OSBP2: variants seen among roughly 807,000 people sequenced by gnomAD.
The protein encoded by OSBP2 is oxysterol binding protein 2.
A neutral mutation model predicts 96.0 loss-of-function variants in OSBP2; 66 were observed. The ratio of observed to expected loss-of-function variants is 0.69; its 90% CI spans 0.56 to 0.84. The LOEUF is 0.84. Among genes scored for constraint, OSBP2 ranks in the 40% least tolerant of loss-of-function variants. The pLI is 0.00. For missense variants in OSBP2, 1,038 were observed against 1,222.7 expected (o/e 0.85, Z 2.25); for synonymous variants, 525 against 520.9 (o/e 1.01, Z -0.11).
chr22:30,733,960 A>T (rs1470463857), intron 1 of OSBP2, among the ~76,000 whole-genome samples: 2 of 152,106 alleles, frequency 1.3e-5, no homozygotes, highest in African/African-American at 2.4e-5. Context: ...GTCTCCTTAA[A>T]AGTGGCAGAA....
rs563771869 is a variant in OSBP2, at chr22:30,830,785, G to A, written c.854-39644G>A. ...AATTCCAGATGTTCAAGAGCATGGC[G>A]TTTCCATAGCGCCATTATCCCTTTG... On this transcript the variant is annotated intron_variant, in intron 2 of 13. Coordinates refer to ENST00000332585, the MANE Select transcript of OSBP2 (RefSeq NM_030758.4). Among the ~76,000 whole-genome samples the A allele has an allele frequency of 2.0e-4, 30 of 151,896 alleles. 1 individual carries two copies. The highest frequency in any genetic ancestry group is 4.2e-4 in the South Asian group (2 of 4,806).
intron 2 of OSBP2, among the ~76,000 whole-genome samples, chr22:30,807,344 T>G (rs773921879): frequency 1.6e-4 from 24 of 152,250 alleles, no homozygotes; most frequent in Non-Finnish European, 3.2e-4. Flanking sequence ...GCCACTGCCC[T>G]GATTGGGCTC....
chr22:30,848,362 T>C (rs1000388365), intron 2 of OSBP2, among the ~76,000 whole-genome samples: 2 of 152,352 alleles, frequency 1.3e-5, no homozygotes, highest in South Asian at 2.1e-4. Context: ...GTCATATGTA[T>C]ATCTGTATGT....
At chr22:30,849,994 A>G (rs571014474) in intron 2 of OSBP2, among the ~76,000 whole-genome samples, 30 of 152,106 alleles carry the variant, frequency 2.0e-4, no homozygotes, top group African/African-American at 4.6e-4. Flanking sequence ...ACTTACCTTG[A>G]CAGCTTTATT....
At chr22:30,702,635 A>C (rs1262008440) in intron 1 of OSBP2, among the ~76,000 whole-genome samples, 2 of 152,104 alleles carry the variant, frequency 1.3e-5, no homozygotes, top group Non-Finnish European at 2.9e-5. Context: ...AAAATAAATA[A>C]ACAAAACAAA....
chr22:30,808,171 C>T (rs570386733), intron 2 of OSBP2, among the ~76,000 whole-genome samples: 1 of 152,156 alleles, frequency 6.6e-6, no homozygotes, highest in South Asian at 2.1e-4. Context: ...TTGTCATAAG[C>T]GAGGTATACA....
intron 2 of OSBP2, among the ~76,000 whole-genome samples, chr22:30,865,024 C>T (rs1164745701): frequency 2.6e-5 from 4 of 152,168 alleles, no homozygotes; most frequent in Non-Finnish European, 4.4e-5. Flanking sequence ...CAAAAAGCTG[C>T]CCCCAACAGG....
chr22:30,854,146 C>T (rs1013149302), intron 2 of OSBP2, among the ~76,000 whole-genome samples: 1 of 152,240 alleles, frequency 6.6e-6, no homozygotes, highest in East Asian at 1.9e-4. Flanking sequence ...TTCACCACTT[C>T]AGCTGAAACC....
At position 30,906,020 on chromosome 22, in the gene OSBP2, C is replaced by T; in HGVS notation, c.2559C>T (p.Arg853=). 1 of 1,575,646 alleles carries T rather than the reference C, an allele frequency of 6.3e-7. No individual in the cohort carries two copies. The highest frequency in any genetic ancestry group is 1.1e-5 in the South Asian group (1 of 87,430). ...AGGAGAAGCAGCGCCTGTCGCGGCG[C>T]CGGCGGCTGGAGGCCTGCGGGCCGG... is the stretch of plus-strand genomic sequence containing the variant. The part of the protein sequence containing the change: ...RLEEKQRLSR[R]RRLEACGPGS... Residue 853 remains arginine (R), a synonymous_variant, in exon 13 of 14, where the codon CGC becomes CGT. Transcript: ENST00000332585.
intron 2 of OSBP2, among the ~76,000 whole-genome samples, chr22:30,751,333 A>G (rs141480210): frequency 0.015 from 2,310 of 151,520 alleles, 30 homozygotes; most frequent in Middle Eastern, 0.044. Context: ...GTGTGTGTGT[A>G]TATATATATG....
At chr22:30,700,729 A>G (rs1438856784) in intron 1 of OSBP2, among the ~76,000 whole-genome samples, 2 of 152,130 alleles carry the variant, frequency 1.3e-5, no homozygotes, top group East Asian at 3.9e-4. Flanking sequence ...TTAGCAAGGA[A>G]TGCCTCCCAG....
intron 2 of OSBP2, among the ~76,000 whole-genome samples, chr22:30,811,796 C>A (rs1390649376): frequency 1.3e-5 from 2 of 151,488 alleles, no homozygotes; most frequent in African/African-American, 4.8e-5. Context: ...CTCAGGTGAT[C>A]TGCCCACCTC....
intron 2 of OSBP2, among the ~76,000 whole-genome samples, chr22:30,841,532 G>T (rs537058323): frequency 1.2e-4 from 19 of 152,306 alleles, no homozygotes; most frequent in Middle Eastern, 3.4e-3. Flanking sequence ...ATTCCGTGAC[G>T]TAGATACAGT....
chr22:30,856,489 C>A (rs1487243354), intron 2 of OSBP2, among the ~76,000 whole-genome samples: 2 of 147,584 alleles, frequency 1.4e-5, no homozygotes, highest in African/African-American at 2.5e-5. Flanking sequence ...CAGATTCAAG[C>A]AATTCTCCTG....
At chr22:30,878,363 G>A (rs969491823) in intron 3 of OSBP2, among the ~76,000 whole-genome samples, 3 of 152,246 alleles carry the variant, frequency 2.0e-5, no homozygotes, top group Non-Finnish European at 2.9e-5. Flanking sequence ...TAGAGCTGGC[G>A]CCCGTGAGAG....
At chr22:30,818,355 A>G (rs1388175785) in intron 2 of OSBP2, among the ~76,000 whole-genome samples, 1 of 151,904 alleles carries the variant, frequency 6.6e-6, no homozygotes, top group African/African-American at 2.4e-5. Context: ...CTGATATTCC[A>G]TGAAGTTGAT....
At chr22:30,875,967 A>C (rs2039570156) in intron 3 of OSBP2, among the ~76,000 whole-genome samples, 1 of 152,240 alleles carries the variant, frequency 6.6e-6, no homozygotes, top group South Asian at 2.1e-4. Flanking sequence ...GACCTGTTCT[A>C]AGATGACCCA....
At chr22:30,805,465 C>G (rs931285561) in intron 2 of OSBP2, among the ~76,000 whole-genome samples, 5 of 152,162 alleles carry the variant, frequency 3.3e-5, no homozygotes, top group Non-Finnish European at 5.9e-5. Flanking sequence ...TGATTTTAAC[C>G]TATTATTAAT....
Position 30,889,507 on chromosome 22 carries a change from G to C in OSBP2, c.1494G>C (p.Ser498=). The C allele has an allele frequency of 1.9e-6, 3 of 1,614,048 alleles. No homozygotes were observed. The African/African-American group carries it at 4.0e-5, about 22-fold the overall frequency. Residue 498 remains serine, a synonymous_variant, in exon 7 of 14, where the codon TCG becomes TCC. Coordinates refer to ENST00000332585, the MANE Select transcript of OSBP2 (RefSeq NM_030758.4). ...SSADNVLDGA[S]LVPKGSSKVK... is the part of the protein sequence containing the mutation. ...TGTGGCAGGTACTAGATGGTGCCTCGCTCGTGCCCAAGGGTTCATCCAAAG... is the reference window on the plus strand; with the variant it reads ...TGTGGCAGGTACTAGATGGTGCCTCCCTCGTGCCCAAGGGTTCATCCAAAG...
Sources: gnomAD v4.1 joint callset for allele counts (sites outside exome capture counted in the v4.1 genomes callset) on GRCh38, gnomAD v4.1.1 for gene constraint, MANE v1.5 for transcripts, NCBI Gene and HGNC (gene_info 2026-07-23, HGNC 2026-07-21) for gene names.